Variants in SPAST observed in about 807,000 individuals in gnomAD.
SPAST encodes spastic paraplegia 4 (autosomal dominant; spastin).
A neutral mutation model predicts 76.6 loss-of-function variants in SPAST; 30 were observed. The observed-to-expected ratio is 0.39, with a 90% confidence interval of 0.29 to 0.53. The LOEUF (loss-of-function observed/expected upper bound fraction) is 0.53. Ranked by LOEUF, SPAST falls within the 20% of genes least tolerant of loss-of-function variation. SPAST has a pLI of 0.68. For missense variants in SPAST, 717 were observed against 770.5 expected (o/e 0.93, Z 0.82); for synonymous variants, 305 against 281.0 (o/e 1.09, Z -0.86).
intron 1 of SPAST, among the ~76,000 whole-genome samples, chr2:32,066,845 A>G (rs1676531771): frequency 6.6e-6 from 1 of 151,946 alleles, no homozygotes; most frequent in Non-Finnish European, 1.5e-5. Flanking sequence ...GCAGTGGCAA[A>G]TGCCTGTAGT....
At chr2:32,122,903 AAAGTT>A (rs1271654023) in intron 7 of SPAST, among the ~76,000 whole-genome samples, 1 of 152,216 alleles carries the variant, frequency 6.6e-6, no homozygotes, top group Non-Finnish European at 1.5e-5. Context: ...TGTAGAATAC[AAAGTT>A]AATATACAAA....
intron 1 of SPAST, among the ~76,000 whole-genome samples, chr2:32,081,160 T>C (rs1482291692): frequency 6.6e-6 from 1 of 151,802 alleles, no homozygotes; most frequent in Non-Finnish European, 1.5e-5. Flanking sequence ...GGTTTCACCA[T>C]CTTGGCCAGG....
intron 3 of SPAST, among the ~76,000 whole-genome samples, chr2:32,093,135 C>T (rs1467402601): frequency 6.6e-6 from 1 of 151,774 alleles, no homozygotes; most frequent in African/African-American, 2.4e-5. Context: ...ATAGTGAAAC[C>T]CCGTCTCTAC....
At chr2:32,101,147 G>A (rs1573091968) in intron 4 of SPAST, among the ~76,000 whole-genome samples, 1 of 152,036 alleles carries the variant, frequency 6.6e-6, no homozygotes, top group South Asian at 2.1e-4. Flanking sequence ...TTTAATGATC[G>A]CCATTCTAAC....
At chr2:32,069,248 T>G (rs1427342740) in intron 1 of SPAST, among the ~76,000 whole-genome samples, 1 of 151,724 alleles carries the variant, frequency 6.6e-6, no homozygotes, top group Non-Finnish European at 1.5e-5. Flanking sequence ...GAGTTTATAT[T>G]GTTATGGTTC....
chr2:32,107,275 C>G (rs1171347573), intron 4 of SPAST, among the ~76,000 whole-genome samples: 3 of 151,990 alleles, frequency 2.0e-5, no homozygotes, highest in Non-Finnish European at 4.4e-5. Flanking sequence ...CTCTGTCACT[C>G]AGGCTGGAGT....
chr2:32,086,908 G>C (rs1391808014), intron 1 of SPAST, among the ~76,000 whole-genome samples: 3 of 152,140 alleles, frequency 2.0e-5, no homozygotes, highest in Non-Finnish European at 2.9e-5. Context: ...TTTTGATTAT[G>C]CTGAGTTTTT....
At chr2:32,138,993 A>G (rs1314440732) in intron 12 of SPAST, among the ~76,000 whole-genome samples, 1 of 151,662 alleles carries the variant, frequency 6.6e-6, no homozygotes, top group Non-Finnish European at 1.5e-5. Flanking sequence ...TTATTTCTCA[A>G]TTTTCTGTCC....
At chr2:32,079,169 A>G (rs939860657) in intron 1 of SPAST, among the ~76,000 whole-genome samples, 3 of 152,244 alleles carry the variant, frequency 2.0e-5, no homozygotes, top group Admixed American at 6.6e-5. Flanking sequence ...GCAAAACCTC[A>G]TAAGTGGCTA....
chr2:32,143,526 C>A, intron 14 of SPAST, 111 bp downstream of exon 14: 1 of 713,512 alleles, frequency 1.4e-6, no homozygotes, highest in Non-Finnish European at 2.5e-6. Flanking sequence ...ATTCATTGAT[C>A]AGAAGACTTT....
intron 4 of SPAST, among the ~76,000 whole-genome samples, chr2:32,108,633 T>C (rs998413822): frequency 6.6e-6 from 1 of 152,054 alleles, no homozygotes; most frequent in Non-Finnish European, 1.5e-5. Flanking sequence ...GTATTTTTTG[T>C]AGAGATGGGG....
At chr2:32,100,729 C>G (rs529212535) in intron 4 of SPAST, among the ~76,000 whole-genome samples, 1 of 152,022 alleles carries the variant, frequency 6.6e-6, no homozygotes, top group Admixed American at 6.6e-5. Flanking sequence ...TCTGTCCTTG[C>G]GATAGTTTGC....
At chr2:32,123,027 C>T (rs920482811) in intron 7 of SPAST, among the ~76,000 whole-genome samples, 13 of 152,002 alleles carry the variant, frequency 8.6e-5, no homozygotes, top group African/African-American at 3.1e-4. Flanking sequence ...TTTGGGAGGC[C>T]GAGGTGGGCA....
intron 13 of SPAST, among the ~76,000 whole-genome samples, chr2:32,143,003 C>T (rs751214193): frequency 3.3e-5 from 5 of 152,078 alleles, no homozygotes; most frequent in Admixed American, 6.6e-5. Flanking sequence ...TGGTGTCTCA[C>T]GCCTATAATC....
chr2:32,087,189 TAAA>T (rs1412155045), intron 1 of SPAST, among the ~76,000 whole-genome samples: 1 of 152,178 alleles, frequency 6.6e-6, no homozygotes, highest in Non-Finnish European at 1.5e-5. Flanking sequence ...TATATATACT[TAAA>T]AATTCCTAAA....
chr2:32,110,106 T>C (rs558309037), intron 4 of SPAST, among the ~76,000 whole-genome samples: 1 of 54,622 alleles, frequency 1.8e-5, no homozygotes, highest in African/African-American at 6.4e-5. Context: ...TTTTTTTTGT[T>C]TTTTTTTTTT....
intron 12 of SPAST, among the ~76,000 whole-genome samples, 161 bp from the exon 13 acceptor site, chr2:32,141,739 TTAAC>T (rs1270902855): frequency 1.2e-4 from 18 of 152,264 alleles, no homozygotes; most frequent in Non-Finnish European, 2.2e-4. Context: ...ATTTTAAACA[TTAAC>T]TAGAGTTTTA....
chr2:32,065,023 C>CTT (rs1286197371), intron 1 of SPAST, among the ~76,000 whole-genome samples: 5 of 145,456 alleles, frequency 3.4e-5, no homozygotes, highest in Non-Finnish European at 4.6e-5. Flanking sequence ...TTTAAGCTAA[C>CTT]TTTTTTTTTT....
chr2:32,067,316 C>T (rs1676560891), intron 1 of SPAST, among the ~76,000 whole-genome samples: 1 of 152,076 alleles, frequency 6.6e-6, no homozygotes, highest in African/African-American at 2.4e-5. Flanking sequence ...CCCTCCTTGG[C>T]CTCCCAAAGT....
Sources: allele counts gnomAD v4.1 joint callset (sites outside exome capture counted in the v4.1 genomes callset), GRCh38; gene constraint gnomAD v4.1.1; transcripts MANE v1.5; gene names NCBI Gene and HGNC (gene_info 2026-07-23, HGNC 2026-07-21).